Variants in TMED8 observed in about 807,000 individuals in gnomAD.
TMED8 encodes protein TMED8.
A neutral mutation model predicts 32.7 loss-of-function variants in TMED8; 15 were observed. The ratio of observed to expected loss-of-function variants is 0.46; its 90% CI spans 0.31 to 0.71. TMED8 has a LOEUF of 0.71. TMED8 is among the 30% of genes least tolerant of loss of function. The probability of loss-of-function intolerance (pLI) is 0.06; values close to 1 mark genes in which losing one functional copy is unlikely to be tolerated. For synonymous variants in TMED8, 147 were observed against 161.4 expected (o/e 0.91, Z 0.68); for missense variants, 390 against 423.9 (o/e 0.92, Z 0.70).
chr14:77,374,706 G>T (rs180972666), intron 1 of TMED8, among the ~76,000 whole-genome samples: 225 of 152,154 alleles, frequency 1.5e-3, no homozygotes, highest in African/African-American at 5.3e-3. Context: ...CAACATCAAG[G>T]GCTCTAGATA....
intron 1 of TMED8, among the ~76,000 whole-genome samples, chr14:77,367,280 T>C (rs965043163): frequency 1.3e-5 from 2 of 151,692 alleles, no homozygotes; most frequent in African/African-American, 4.8e-5. Context: ...TTTTAAATCT[T>C]TTCTATTGTG....
intron 1 of TMED8, among the ~76,000 whole-genome samples, chr14:77,372,927 TATATATATATATATATATA>T (rs1893711556): frequency 3.8e-4 from 12 of 31,456 alleles, no homozygotes; most frequent in Admixed American, 8.9e-4. Context: ...TATATATATA[TATATATATATATATATATA>T]TATATATTTT....
chr14:77,343,536 C>G, intron 4 of TMED8, 53 bp from the exon 5 acceptor site: 2 of 1,595,422 alleles, frequency 1.3e-6, no homozygotes, highest in Non-Finnish European at 1.7e-6. Context: ...CATGAGTACC[C>G]CGGGCATTTT....
chr14:77,348,501 G>C (rs1232547612), intron 2 of TMED8, among the ~76,000 whole-genome samples: 1 of 152,168 alleles, frequency 6.6e-6, no homozygotes, highest in Non-Finnish European at 1.5e-5. Flanking sequence ...GGGATTACAG[G>C]CATGAGCCAC....
chr14:77,358,571 A>G (rs892483088), intron 1 of TMED8, among the ~76,000 whole-genome samples: 2 of 152,230 alleles, frequency 1.3e-5, no homozygotes, highest in African/African-American at 4.8e-5. Context: ...TCCTGGGATT[A>G]CAGGCGTGAG....
At chr14:77,345,147 C>T (rs1160874101) in intron 3 of TMED8, among the ~76,000 whole-genome samples, 22 of 152,130 alleles carry the variant, frequency 1.4e-4, no homozygotes, top group Admixed American at 1.4e-3. Context: ...GCCAACACGC[C>T]CAGCTAATTT....
intron 1 of TMED8, among the ~76,000 whole-genome samples, chr14:77,361,514 A>G (rs563545971): frequency 1.1e-4 from 16 of 152,238 alleles, no homozygotes; most frequent in East Asian, 1.9e-4. Context: ...TGATGCCTCA[A>G]TGTTTTCTTT....
At chr14:77,353,398 T>A (rs1226343817) in intron 1 of TMED8, among the ~76,000 whole-genome samples, 1 of 152,046 alleles carries the variant, frequency 6.6e-6, no homozygotes, top group East Asian at 1.9e-4. Flanking sequence ...TAGTCTCATG[T>A]TTTATATGTG....
chr14:77,346,761 T>TG, intron 2 of TMED8, among the ~76,000 whole-genome samples: 1 of 2,336 alleles, frequency 4.3e-4, no homozygotes, highest in South Asian at 0.017. Flanking sequence ...GCTGGTCTGG[T>TG]TTTTTTTTTT....
intron 1 of TMED8, among the ~76,000 whole-genome samples, chr14:77,374,667 C>CAGCA (rs1158301589): frequency 1.3e-5 from 2 of 152,216 alleles, no homozygotes; most frequent in Admixed American, 6.5e-5. Context: ...CCATCAAACT[C>CAGCA]AGCAAATATT....
intron 1 of TMED8, among the ~76,000 whole-genome samples, chr14:77,363,586 C>T (rs922938103): frequency 2.6e-5 from 4 of 152,116 alleles, no homozygotes; most frequent in Non-Finnish European, 2.9e-5. Context: ...CACTTGAGTT[C>T]CAGGCTGCAG....
chr14:77,366,210 T>C (rs908301428), intron 1 of TMED8, among the ~76,000 whole-genome samples: 2 of 152,214 alleles, frequency 1.3e-5, no homozygotes, highest in Admixed American at 6.5e-5. Flanking sequence ...ACCCCAGACG[T>C]AGAAGTCATC....
intron 1 of TMED8, among the ~76,000 whole-genome samples, chr14:77,375,941 G>A (rs1405364085): frequency 1.3e-5 from 2 of 152,226 alleles, no homozygotes; most frequent in Non-Finnish European, 2.9e-5. Flanking sequence ...TGAGGAAACT[G>A]ACGTTTCAGA....
chr14:77,358,124 C>CAAAAA (rs35361617), intron 1 of TMED8, among the ~76,000 whole-genome samples: 6 of 76,212 alleles, frequency 7.9e-5, no homozygotes, highest in Admixed American at 1.8e-4. Flanking sequence ...GCTCTGTCTC[C>CAAAAA]AAAAAAAAAA....
intron 1 of TMED8, among the ~76,000 whole-genome samples, chr14:77,355,806 A>T (rs1017072692): frequency 3.3e-5 from 5 of 152,158 alleles, no homozygotes; most frequent in African/African-American, 1.2e-4. Flanking sequence ...GCCATAGTTC[A>T]TTGGTTTCCG....
intron 1 of TMED8, among the ~76,000 whole-genome samples, chr14:77,368,467 A>ATTAT (rs369795650): frequency 0.031 from 4,657 of 151,588 alleles, 178 homozygotes; most frequent in African/African-American, 0.09. Context: ...TGTCCTTTTT[A>ATTAT]TTATTTATTT....
rs1893343165 is a variant in TMED8 at position 77,358,307 on chromosome 14, T to C, written c.119-6556A>G. Among the ~76,000 whole-genome samples the C allele has an allele frequency of 2.6e-5, 4 of 151,478 alleles. No homozygotes were observed. The South Asian group carries it at 8.3e-4, about 31-fold the overall frequency. ...CTTCTAATTCAGATTACAGGATTTT[T>C]CTTTTTTTTTTTGAGACGGAGTCTT... On this transcript the variant is annotated intron_variant, in intron 1 of 5. Coordinates refer to ENST00000216468, the MANE Select transcript of TMED8 (RefSeq NM_213601.3).
chr14:77,365,127 G>T (rs2139631093), intron 1 of TMED8, among the ~76,000 whole-genome samples: 1 of 152,216 alleles, frequency 6.6e-6, no homozygotes, highest in East Asian at 1.9e-4. Context: ...ATATCACTCA[G>T]CCAAATATTT....
At chr14:77,348,287 G>A (rs536024684) in intron 2 of TMED8, among the ~76,000 whole-genome samples, 8 of 151,042 alleles carry the variant, frequency 5.3e-5, no homozygotes, top group African/African-American at 1.7e-4. Context: ...GCAGTGGCGC[G>A]ATCTCAGCTC....
Sources: gnomAD v4.1 joint callset for allele counts (sites outside exome capture counted in the v4.1 genomes callset) on GRCh38, gnomAD v4.1.1 for gene constraint, MANE v1.5 for transcripts, NCBI Gene and HGNC (gene_info 2026-07-23, HGNC 2026-07-21) for gene names.